The following TSC22D1 variants were observed in gnomAD, a reference collection of about 807,000 sequenced individuals.
The protein encoded by TSC22D1 is TSC22 domain family protein 1.
In TSC22D1, 9 loss-of-function variants were observed where a neutral mutation model predicts 74.2. The observed-to-expected ratio is 0.12, with a 90% CI of 0.07 to 0.21. The LOEUF is 0.21. TSC22D1 is among the 10% of genes least tolerant of loss of function. TSC22D1 has a pLI of 1.00. For synonymous variants in TSC22D1, 586 were observed against 492.5 expected, an observed-to-expected ratio of 1.19 and a Z score of -2.51; for missense variants, 1,427 against 1,304.7, an observed-to-expected ratio of 1.09 and a Z score of -1.44.
chr13:44,440,880 A>G (rs1297367630), intron 1 of TSC22D1, among the ~76,000 whole-genome samples: 3 of 152,228 alleles, frequency 2.0e-5, no homozygotes, highest in African/African-American at 7.2e-5. Context: ...GAAACAAGTT[A>G]CAAACACAGG....
intron 1 of TSC22D1, among the ~76,000 whole-genome samples, chr13:44,565,453 G>C (rs778350561): frequency 3.8e-4 from 58 of 152,116 alleles, no homozygotes; most frequent in Non-Finnish European, 7.2e-4. Context: ...TGGAGTGGTG[G>C]AGGGCAGCTT....
At chr13:44,445,463 A>T (rs1190748486) in intron 1 of TSC22D1, among the ~76,000 whole-genome samples, 1 of 152,208 alleles carries the variant, frequency 6.6e-6, no homozygotes, top group Non-Finnish European at 1.5e-5. Context: ...ACCTTGAACC[A>T]GTAAAGATTT....
At chr13:44,517,123 T>C (rs534421983) in intron 1 of TSC22D1, among the ~76,000 whole-genome samples, 26 of 152,298 alleles carry the variant, frequency 1.7e-4, no homozygotes, top group African/African-American at 5.8e-4. Context: ...TACCTGTATA[T>C]AAAAATTTGA....
At chr13:44,488,176 C>T (rs1378637949) in intron 1 of TSC22D1, among the ~76,000 whole-genome samples, 4 of 152,166 alleles carry the variant, frequency 2.6e-5, no homozygotes, top group Non-Finnish European at 4.4e-5. Flanking sequence ...GTAACAAGTA[C>T]GTGCAGTATC....
At chr13:44,529,615 A>C (rs1473916843) in intron 1 of TSC22D1, among the ~76,000 whole-genome samples, 1 of 152,146 alleles carries the variant, frequency 6.6e-6, no homozygotes, top group Non-Finnish European at 1.5e-5. Flanking sequence ...ACAGAATGAA[A>C]GGTATGCAGA....
In TSC22D1 at chr13:44,433,684, A is replaced by C. The variant is rs947552687; in HGVS notation, c.*942T>G. The C allele has an allele frequency of 2.6e-6, 1 of 385,278 alleles. No homozygotes were observed. 23.9% of individuals were successfully genotyped at this position (385,278 alleles called of 1,614,324 possible). On this transcript the variant is annotated 3_prime_UTR_variant, in exon 3 of 3. Transcript: ENST00000458659. ...CTGGGAAATCCATTTCATTAGTTAG[A>C]ACTGAGCATTTTTCAAAGTATTCAA...
chr13:44,551,998 G>C (rs1467380763), intron 1 of TSC22D1, among the ~76,000 whole-genome samples: 3 of 152,212 alleles, frequency 2.0e-5, no homozygotes, highest in African/African-American at 4.8e-5. Context: ...GAACGACCAA[G>C]AACTTCACTA....
chr13:44,508,788 C>A (rs1156746393), intron 1 of TSC22D1, among the ~76,000 whole-genome samples: 1 of 152,104 alleles, frequency 6.6e-6, no homozygotes, highest in African/African-American at 2.4e-5. Context: ...AGTCTCCCTG[C>A]TGTTCCTCGA....
At chr13:44,509,913 C>G (rs912758433) in intron 1 of TSC22D1, among the ~76,000 whole-genome samples, 1 of 72,178 alleles carries the variant, frequency 1.4e-5, no homozygotes, top group Non-Finnish European at 2.5e-5. Context: ...ATTATTAAAA[C>G]AAGATATTAT....
Position 44,466,614 on chromosome 13 carries a change from C to T in TSC22D1, c.2913-30519G>A, listed in dbSNP as rs190740970. 1.6e-3 allele frequency among the ~76,000 whole-genome samples: 235 copies of T among 151,600 alleles called. 1 individual carries two copies. The highest frequency in any genetic ancestry group is 5.5e-3 in the African/African-American group (228 of 41,326). The stretch of plus-strand genomic sequence containing the variant: ...TGAAATCTTGTCTCTACTAAAAATA[C>T]AAAAAATCAACCTGGTGTTGTGATG... On this transcript the variant is annotated intron_variant, in intron 1 of 2. Transcript: ENST00000458659.
At chr13:44,517,829 G>GTATATATATATATATATA (rs1555269397) in intron 1 of TSC22D1, among the ~76,000 whole-genome samples, 4 of 14,132 alleles carry the variant, frequency 2.8e-4, no homozygotes, top group Non-Finnish European at 4.6e-4. Flanking sequence ...GTGTGTGTGT[G>GTATATATATATATATATA]TATATATATA....
intron 1 of TSC22D1, among the ~76,000 whole-genome samples, chr13:44,564,049 T>C (rs938945525): frequency 6.6e-5 from 10 of 152,190 alleles, no homozygotes; most frequent in Non-Finnish European, 1.5e-4. Context: ...CAGCAAAAAG[T>C]AAATCAGTTA....
intron 1 of TSC22D1, among the ~76,000 whole-genome samples, chr13:44,482,752 A>T (rs1348594541): frequency 6.6e-6 from 1 of 152,208 alleles, no homozygotes; most frequent in Non-Finnish European, 1.5e-5. Context: ...TATAGGTTTC[A>T]TTACCAAAAA....
intron 1 of TSC22D1, among the ~76,000 whole-genome samples, chr13:44,465,829 C>T (rs541450122): frequency 3.3e-4 from 50 of 152,162 alleles, no homozygotes; most frequent in Non-Finnish European, 2.1e-4. Context: ...AAAAATTAGC[C>T]AGGTGTGGTG....
At chr13:44,512,712 C>T (rs916139382) in intron 1 of TSC22D1, among the ~76,000 whole-genome samples, 2 of 152,064 alleles carry the variant, frequency 1.3e-5, no homozygotes, top group African/African-American at 2.4e-5. Flanking sequence ...TGCAGCGACG[C>T]GATCTCAACT....
chr13:44,454,434 T>C (rs145622643), intron 1 of TSC22D1, among the ~76,000 whole-genome samples: 6 of 152,280 alleles, frequency 3.9e-5, no homozygotes, highest in South Asian at 4.1e-4. Context: ...ACCCACAAAC[T>C]GCCCCCCGCT....
intron 1 of TSC22D1, among the ~76,000 whole-genome samples, chr13:44,492,625 C>T (rs57183355): frequency 0.022 from 3,284 of 151,950 alleles, 103 homozygotes; most frequent in African/African-American, 0.071. Context: ...TGTTTTAAAA[C>T]GCAGAAATAT....
chr13:44,449,985 T>G (rs1875989665), intron 1 of TSC22D1, among the ~76,000 whole-genome samples: 2 of 152,098 alleles, frequency 1.3e-5, no homozygotes, highest in African/African-American at 2.4e-5. Flanking sequence ...TTTAGTGACT[T>G]GGGGGCAGTT....
chr13:44,573,587 T>C lies in TSC22D1; in HGVS notation c.2488A>G (p.Ile830Val), dbSNP rs376147767. The C allele has an allele frequency of 9.3e-6, 15 of 1,614,064 alleles. No individual in the cohort carries two copies. The highest frequency in any genetic ancestry group is 1.3e-5 in the Non-Finnish European group (15 of 1,180,022). ...AVSSLPSASS[I>V]SVTSQVSSTG... ...GAACTAACCTGACTTGTAACAGAAA[T>C]ACTACTAGCAGAGGGCAAAGAACTA... is the stretch of plus-strand genomic sequence containing the variant. Residue 830 changes from isoleucine to valine, a missense_variant, in exon 1 of 3, where the codon ATT becomes GTT. Coordinates refer to ENST00000458659, the MANE Select transcript of TSC22D1 (RefSeq NM_183422.4).
Sources: gnomAD v4.1 joint callset for allele counts (sites outside exome capture counted in the v4.1 genomes callset) on GRCh38, gnomAD v4.1.1 for gene constraint, MANE v1.5 for transcripts, NCBI Gene and HGNC (gene_info 2026-07-23, HGNC 2026-07-21) for gene names.